CTDSPL: variants seen among roughly 807,000 people sequenced by gnomAD.
The protein encoded by CTDSPL is CTD small phosphatase like, also known as CTD small phosphatase-like protein.
In CTDSPL, 8 loss-of-function variants were observed where a neutral mutation model predicts 30.5. That is an observed-to-expected ratio of 0.26 (90% CI 0.15 to 0.47). The LOEUF (loss-of-function observed/expected upper bound fraction) is 0.47. Ranked by LOEUF, CTDSPL falls within the 20% of genes least tolerant of loss-of-function variation. The pLI, the probability that CTDSPL is intolerant of heterozygous loss-of-function variation, is 0.99. For synonymous variants in CTDSPL, 110 were observed against 137.9 expected (o/e 0.80, Z 1.42); for missense variants, 248 against 366.1 (o/e 0.68, Z 2.63).
At chr3:37,960,792 A>G (rs1307965547) in intron 3 of CTDSPL, among the ~76,000 whole-genome samples, 1 of 152,190 alleles carries the variant, frequency 6.6e-6, no homozygotes. Context: ...GCATTTCTTT[A>G]TCAATGAGTT....
chr3:37,865,734 A>C (rs1470066684), intron 1 of CTDSPL, among the ~76,000 whole-genome samples: 1 of 152,158 alleles, frequency 6.6e-6, no homozygotes, highest in Non-Finnish European at 1.5e-5. Context: ...CCTTCCAAAC[A>C]CCACAGCCAC....
chr3:37,935,033 A>G (rs1698899187), intron 1 of CTDSPL, among the ~76,000 whole-genome samples: 1 of 152,204 alleles, frequency 6.6e-6, no homozygotes, highest in African/African-American at 2.4e-5. Flanking sequence ...GCTTCATCTC[A>G]TACTGACCAC....
intron 1 of CTDSPL, among the ~76,000 whole-genome samples, chr3:37,932,775 G>C (rs895104058): frequency 1.3e-5 from 2 of 152,176 alleles, no homozygotes; most frequent in African/African-American, 4.8e-5. Context: ...GTATCAAGAG[G>C]CTTGACATTT....
intron 1 of CTDSPL, among the ~76,000 whole-genome samples, chr3:37,893,154 G>T (rs1357773611): frequency 6.6e-6 from 1 of 152,208 alleles, no homozygotes; most frequent in African/African-American, 2.4e-5. Flanking sequence ...CTGTCTGAGT[G>T]AGGCTGCCCT....
intron 1 of CTDSPL, among the ~76,000 whole-genome samples, chr3:37,890,977 G>T (rs1001410112): frequency 3.3e-5 from 5 of 152,168 alleles, no homozygotes; most frequent in African/African-American, 4.8e-5. Context: ...GGCATCAAAT[G>T]ACAATTCTAC....
intron 1 of CTDSPL, among the ~76,000 whole-genome samples, chr3:37,887,252 T>C (rs1259915022): frequency 3.3e-5 from 5 of 152,202 alleles, no homozygotes; most frequent in African/African-American, 1.2e-4. Flanking sequence ...TCAAGGTGTT[T>C]GTGAGCACCT....
At chr3:37,920,058 C>T (rs757105584) in intron 1 of CTDSPL, among the ~76,000 whole-genome samples, 70 of 151,728 alleles carry the variant, frequency 4.6e-4, no homozygotes, top group Middle Eastern at 3.4e-3. Flanking sequence ...AATTTATTCT[C>T]TTGCAGTTCT....
intron 1 of CTDSPL, among the ~76,000 whole-genome samples, chr3:37,935,281 CCAT>C (rs1173859880): frequency 1.3e-5 from 2 of 152,126 alleles, no homozygotes; most frequent in South Asian, 2.1e-4. Flanking sequence ...AATCTCACCA[CCAT>C]CGTCTATATG....
At chr3:37,955,608 G>A (rs886218038) in intron 2 of CTDSPL, among the ~76,000 whole-genome samples, 4 of 151,980 alleles carry the variant, frequency 2.6e-5, no homozygotes, top group Non-Finnish European at 4.4e-5. Flanking sequence ...ACCAAATACC[G>A]CACGTTCTCA....
chr3:37,959,049 G>A (rs113934235), intron 3 of CTDSPL, among the ~76,000 whole-genome samples: 137 of 152,338 alleles, frequency 9.0e-4, no homozygotes, highest in African/African-American at 3.1e-3. Context: ...AGCCCTGAGA[G>A]CTTAGGGTGC....
intron 4 of CTDSPL, among the ~76,000 whole-genome samples, chr3:37,966,987 T>C (rs570308437): frequency 1.9e-4 from 29 of 152,218 alleles, no homozygotes; most frequent in Non-Finnish European, 3.1e-4. Flanking sequence ...AAGTTCATCA[T>C]TGAGAACGTA....
chr3:37,919,228 G>A (rs934841392), intron 1 of CTDSPL, among the ~76,000 whole-genome samples: 2 of 152,168 alleles, frequency 1.3e-5, no homozygotes, highest in Non-Finnish European at 2.9e-5. Context: ...TACTATAGAA[G>A]ATGCTTCATC....
intron 1 of CTDSPL, among the ~76,000 whole-genome samples, chr3:37,934,926 G>A (rs748769972): frequency 1.3e-5 from 2 of 152,022 alleles, no homozygotes; most frequent in Admixed American, 6.5e-5. Flanking sequence ...AACAAGATAG[G>A]TAAGGTCCCT....
chr3:37,941,264 T>A (rs898882241), intron 1 of CTDSPL, among the ~76,000 whole-genome samples: 1 of 150,168 alleles, frequency 6.7e-6, no homozygotes, highest in Non-Finnish European at 1.5e-5. Flanking sequence ...CACCCGAGTT[T>A]GTGCACAGAA....
At chr3:37,978,024 G>A (rs1366266301) in intron 7 of CTDSPL, among the ~76,000 whole-genome samples, 2 of 152,182 alleles carry the variant, frequency 1.3e-5, no homozygotes, top group African/African-American at 2.4e-5. Flanking sequence ...GGTTCAGGTG[G>A]TGTTAGCCTG....
chr3:37,882,036 G>A (rs1184812887), intron 1 of CTDSPL, among the ~76,000 whole-genome samples: 1 of 152,176 alleles, frequency 6.6e-6, no homozygotes, highest in African/African-American at 2.4e-5. Flanking sequence ...GGCCGGGCGT[G>A]GTGGCTCACG....
In CTDSPL at chr3:37,862,178, G is replaced by GGGGCCGGGCCTGCGGA; in HGVS notation, c.-22_-21insGGGCCGGGCCTGCGGA. The GGGGCCGGGCCTGCGGA allele has an allele frequency of 8.8e-7, 1 of 1,138,800 alleles. No individual in the cohort carries two copies. Among genetic ancestry groups the GGGGCCGGGCCTGCGGA allele is most frequent in the Non-Finnish European group, 1.1e-6 (1 of 926,462 alleles). 70.5% of individuals were successfully genotyped at this position (1,138,800 alleles called of 1,614,324 possible). A position where few individuals can be genotyped will look rare whatever the true frequency, so the allele number is the denominator to read the frequency against. Reference sequence around the variant, plus strand: ...GGCTTGCGGGGGGCCGGGCCTGCGGGCGGCCGCCGCGCCGCGCACCCATGG... The same window carrying GGGGCCGGGCCTGCGGA: ...GGCTTGCGGGGGGCCGGGCCTGCGGGGGGCCGGGCCTGCGGACGGCCGCCGCGCCGCGCACCCATGG... On this transcript the variant is annotated 5_prime_UTR_variant, in exon 1 of 8. Coordinates refer to ENST00000273179, the MANE Select transcript of CTDSPL (RefSeq NM_001008392.2). The surrounding 1 kb of genome is among the most constrained non-coding windows in gnomAD (Gnocchi z 4.3).
At chr3:37,865,097 T>A (rs1032253677) in intron 1 of CTDSPL, among the ~76,000 whole-genome samples, 34 of 152,274 alleles carry the variant, frequency 2.2e-4, no homozygotes, top group Middle Eastern at 3.4e-3. Flanking sequence ...CATTGCCACG[T>A]GGTGGTGCAC....
intron 4 of CTDSPL, among the ~76,000 whole-genome samples, chr3:37,967,180 G>A (rs941128707): frequency 6.6e-6 from 1 of 152,180 alleles, no homozygotes; most frequent in Non-Finnish European, 1.5e-5. Context: ...ACCTGGGAGG[G>A]CCTGAAATCA....
Sources: allele counts gnomAD v4.1 joint callset (sites outside exome capture counted in the v4.1 genomes callset), GRCh38; gene constraint gnomAD v4.1.1; non-coding constraint Gnocchi (gnomAD v3.1); transcripts MANE v1.5; gene names NCBI Gene and HGNC (gene_info 2026-07-23, HGNC 2026-07-21).